PSTPIP2: variants seen among roughly 807,000 people sequenced by gnomAD.
PSTPIP2 encodes proline-serine-threonine phosphatase interacting protein 2, also known as proline-serine-threonine phosphatase-interacting protein 2.
In PSTPIP2, 33 loss-of-function variants were observed where a neutral mutation model predicts 63.3. The ratio of observed to expected loss-of-function variants is 0.52; its 90% CI spans 0.40 to 0.70. The LOEUF (loss-of-function observed/expected upper bound fraction) is 0.70, where lower values mean the gene tolerates loss of function less well. PSTPIP2 is among the 30% of genes least tolerant of loss of function. PSTPIP2 has a pLI of 0.00. For missense variants in PSTPIP2, 312 were observed against 400.7 expected (o/e 0.78, Z 1.89); for synonymous variants, 125 against 132.7 (o/e 0.94, Z 0.40).
intron 9 of PSTPIP2, 40 bp downstream of exon 9, chr18:45,997,709 C>A (rs552895265): frequency 5.3e-6 from 2 of 374,250 alleles, no homozygotes; most frequent in East Asian, 6.7e-5. Context: ...ACACCCCCAC[C>A]CACCCACCCC....
intron 1 of PSTPIP2, among the ~76,000 whole-genome samples, chr18:46,044,093 C>T (rs1238653176): frequency 6.6e-6 from 1 of 152,060 alleles, no homozygotes; most frequent in Non-Finnish European, 1.5e-5. Context: ...AAAACAATCC[C>T]ATCAAAATCC....
intron 3 of PSTPIP2, 98 bp from the exon 4 acceptor site, chr18:46,016,035 C>T: frequency 7.1e-7 from 1 of 1,412,910 alleles, no homozygotes; most frequent in Non-Finnish European, 9.8e-7. Context: ...CATATCTTAA[C>T]TTAGAAACTA....
intron 8 of PSTPIP2, 72 bp downstream of exon 8, chr18:45,998,722 C>T: frequency 6.7e-7 from 1 of 1,482,726 alleles, no homozygotes; most frequent in Non-Finnish European, 9.3e-7. Context: ...AACTCCCTTT[C>T]TCAGGGACAC....
chr18:46,033,515 T>C (rs563220607), intron 2 of PSTPIP2, among the ~76,000 whole-genome samples: 1 of 152,152 alleles, frequency 6.6e-6, no homozygotes, highest in South Asian at 2.1e-4. Context: ...CTGGTCAACA[T>C]GGTGAAACCC....
chr18:46,047,444 G>A (rs555813492), intron 1 of PSTPIP2, among the ~76,000 whole-genome samples: 25 of 152,164 alleles, frequency 1.6e-4, no homozygotes, highest in Non-Finnish European at 3.1e-4. Flanking sequence ...ATGGTGGCAC[G>A]CGCCTGCAGT....
At chr18:45,990,257 T>C (rs907904560) in intron 13 of PSTPIP2, among the ~76,000 whole-genome samples, 2 of 152,234 alleles carry the variant, frequency 1.3e-5, no homozygotes, top group African/African-American at 2.4e-5. Context: ...CCACCAATTA[T>C]CATATTCCAC....
chr18:46,048,176 A>G (rs1258606631), intron 1 of PSTPIP2, among the ~76,000 whole-genome samples: 1 of 152,180 alleles, frequency 6.6e-6, no homozygotes, highest in African/African-American at 2.4e-5. Flanking sequence ...AGGAGATGTC[A>G]ATGACAAATA....
At chr18:45,998,885 T>C in intron 7 of PSTPIP2, 46 bp from the exon 8 acceptor site, 1 of 1,610,098 alleles carries the variant, frequency 6.2e-7, no homozygotes, top group Non-Finnish European at 8.5e-7. Flanking sequence ...GCATTGGGAA[T>C]GCTGGACGAG....
At chr18:46,042,961 C>G (rs146625771) in intron 1 of PSTPIP2, among the ~76,000 whole-genome samples, 1 of 152,228 alleles carries the variant, frequency 6.6e-6, no homozygotes, top group East Asian at 1.9e-4. Context: ...CCAGCCACTC[C>G]TCTGAAGCAG....
At chr18:46,065,166 A>G (rs1373582588) in intron 1 of PSTPIP2, among the ~76,000 whole-genome samples, 14 of 146,374 alleles carry the variant, frequency 9.6e-5, no homozygotes, top group Non-Finnish European at 1.2e-4. Flanking sequence ...AAAAAAAAAG[A>G]AAAGAAAAGA....
chr18:46,017,429 A>C (rs1311126903), intron 3 of PSTPIP2, among the ~76,000 whole-genome samples: 1 of 152,194 alleles, frequency 6.6e-6, no homozygotes, highest in Non-Finnish European at 1.5e-5. Flanking sequence ...GAATCAGAAG[A>C]TTAATGGTTC....
intron 2 of PSTPIP2, among the ~76,000 whole-genome samples, chr18:46,033,334 G>A (rs1216903123): frequency 2.0e-5 from 3 of 152,196 alleles, no homozygotes; most frequent in African/African-American, 7.2e-5. Context: ...CATTGCAGAC[G>A]TAATTGTTGA....
rs531772559 is a variant in PSTPIP2 at position 46,000,455 on chromosome 18, C to T, written c.418-921G>A. ...AATCTCGGCTCACTGCAGCCTCTGACTCCTGGGTTCAAGCGATTCTCCTGC... is the reference window on the plus strand; with the variant it reads ...AATCTCGGCTCACTGCAGCCTCTGATTCCTGGGTTCAAGCGATTCTCCTGC... On this transcript the variant is annotated intron_variant, in intron 6 of 14. Coordinates refer to ENST00000409746, the MANE Select transcript of PSTPIP2 (RefSeq NM_024430.4). Among the ~76,000 whole-genome samples, 3 of 152,272 alleles carry T rather than the reference C, an allele frequency of 2.0e-5. No individual in the cohort carries two copies. The South Asian group carries it at 6.2e-4, about 32-fold the overall frequency.
At chr18:46,026,020 G>T (rs1408985615) in intron 2 of PSTPIP2, among the ~76,000 whole-genome samples, 1 of 152,230 alleles carries the variant, frequency 6.6e-6, no homozygotes, top group Non-Finnish European at 1.5e-5. Flanking sequence ...CTTTCAAAGT[G>T]CTGGGATTAA....
intron 14 of PSTPIP2, among the ~76,000 whole-genome samples, chr18:45,987,294 C>T (rs2051478008): frequency 2.0e-5 from 3 of 152,148 alleles, no homozygotes; most frequent in Admixed American, 2.0e-4. Context: ...GAAAATCACC[C>T]TGGAGCACTG....
intron 4 of PSTPIP2, among the ~76,000 whole-genome samples, chr18:46,014,445 G>A (rs375466192): frequency 1.6e-4 from 25 of 152,312 alleles, no homozygotes; most frequent in African/African-American, 5.1e-4. Flanking sequence ...TGAGCGCAGC[G>A]TCTCACACCT....
At chr18:46,015,996 T>A (rs2051849379) in intron 3 of PSTPIP2, 59 bp from the exon 4 acceptor site, 2 of 1,554,464 alleles carry the variant, frequency 1.3e-6, no homozygotes, top group Admixed American at 3.5e-5. Flanking sequence ...ACAATCTTAT[T>A]ATAATGCCTT....
At chr18:46,055,013 C>T (rs74408789) in intron 1 of PSTPIP2, among the ~76,000 whole-genome samples, 1,881 of 152,232 alleles carry the variant, frequency 0.012, 40 homozygotes, top group African/African-American at 0.043. Flanking sequence ...GTGACTTGAT[C>T]GTATCAGCAA....
chr18:45,997,738 GT>G lies in PSTPIP2; in HGVS notation c.642+10del. The G allele has an allele frequency of 8.1e-7, 1 of 1,235,768 alleles. No individual in the cohort carries two copies. The allele number at this position is 1,235,768 out of a possible 1,614,324, so 76.6% of individuals were successfully genotyped here. On this transcript the variant is annotated intron_variant, in intron 9 of 14. Coordinates refer to ENST00000409746, the MANE Select transcript of PSTPIP2 (RefSeq NM_024430.4). ...CCACCCCAGTCCTGAGCAGCTTCCG[GT>G]TACGGGTACCTCGCAGGCCTTGATG...
Sources: gnomAD v4.1 joint callset for allele counts (sites outside exome capture counted in the v4.1 genomes callset) on GRCh38, gnomAD v4.1.1 for gene constraint, MANE v1.5 for transcripts, NCBI Gene and HGNC (gene_info 2026-07-23, HGNC 2026-07-21) for gene names.